Variants in JPH3 observed in about 807,000 individuals in gnomAD.
The protein encoded by JPH3 is junctophilin-3.
Under a neutral mutation model 59.6 loss-of-function variants are expected in JPH3, and 11 were observed. That is an observed-to-expected ratio of 0.18 (90% CI 0.12 to 0.31). JPH3 has a LOEUF of 0.31. Among genes scored for constraint, JPH3 ranks in the 10% least tolerant of loss-of-function variants. JPH3 has a pLI of 1.00. For missense variants in JPH3, 1,202 were observed against 1,105.7 expected, an observed-to-expected ratio of 1.09 and a Z score of -1.24; for synonymous variants, 673 against 483.6, an observed-to-expected ratio of 1.39 and a Z score of -5.14.
At chr16:87,645,290 AGT>A (rs2150846386) in intron 2 of JPH3, among the ~76,000 whole-genome samples, 1 of 152,330 alleles carries the variant, frequency 6.6e-6, no homozygotes, top group East Asian at 1.9e-4. Context: ...TAAACTGAGC[AGT>A]GTCTCTTTGT....
chr16:87,613,335 G>A (rs1020002731), intron 1 of JPH3, among the ~76,000 whole-genome samples: 10 of 151,210 alleles, frequency 6.6e-5, no homozygotes, highest in Non-Finnish European at 8.9e-5. Flanking sequence ...TCCTGACCTC[G>A]TGAACCGCCC....
In JPH3 at chr16:87,629,670, T is replaced by A. The variant is rs78365204; in HGVS notation, c.383-14588T>A. 3.2e-3 allele frequency among the ~76,000 whole-genome samples: 459 copies of A among 142,428 alleles called. 4 individuals are homozygous for A. The highest frequency in any genetic ancestry group is 0.011 in the African/African-American group (440 of 39,718). The allele number at this position is 142,428 out of a possible 152,430, so 93.4% of individuals were successfully genotyped here. The stretch of plus-strand genomic sequence containing the variant: ...CTGGAGACAGTGACAAGATCATTGG[T>A]TGCCCAGGGTTGGGGGGGAGGGAGG... On this transcript the variant is annotated intron_variant, in intron 1 of 4. Transcript: ENST00000284262.
rs542290699 is a variant in JPH3, at chr16:87,674,336, A to AC, written c.1161-9806_1161-9805insC. ...CGACAGAGCGAGACTCCGTCTCAAAAAAAAACAAAAACAAAAAAAAGCAGG... is the reference window on the plus strand; with the variant it reads ...CGACAGAGCGAGACTCCGTCTCAAAACAAAAACAAAAACAAAAAAAAGCAGG... On this transcript the variant is annotated intron_variant, in intron 2 of 4. Transcript: ENST00000284262. 1.0e-3 allele frequency among the ~76,000 whole-genome samples: 157 copies of AC among 152,186 alleles called. 1 individual carries two copies. The highest frequency in any genetic ancestry group is 2.3e-3 in the South Asian group (11 of 4,816).
chr16:87,607,480 G>C (rs2030566629), intron 1 of JPH3, among the ~76,000 whole-genome samples: 1 of 152,190 alleles, frequency 6.6e-6, no homozygotes, highest in African/African-American at 2.4e-5. Context: ...CTGCCACCCG[G>C]AGACATTTTC....
At position 87,603,279 on chromosome 16, in the gene JPH3, C is replaced by T. The variant is rs776309384; in HGVS notation, c.133C>T (p.His45Tyr). ...AGGCGAATACACCGGCTCGTGGAGC[C>T]ACGGCTTCGAGGTGCTGGGCGTCTA... ...GQGEYTGSWSHGFEVLGVYTW... is the reference protein window; with the variant it reads ...GQGEYTGSWSYGFEVLGVYTW... The change falls in exon 1 of 5, where the codon CAC becomes TAC. Residue 45 changes from histidine (H) to tyrosine (Y), a missense_variant. Physicochemically the swap from His to Tyr is moderately conservative, Grantham distance 83. Coordinates refer to ENST00000284262, the MANE Select transcript of JPH3 (RefSeq NM_020655.4). 3 of 1,613,542 alleles carry T rather than the reference C, an allele frequency of 1.9e-6. No individual in the cohort carries two copies. The South Asian group carries it at 3.3e-5, about 18-fold the overall frequency.
rs1355816622 is a variant in JPH3 at position 87,644,869 on chromosome 16, A to G, written c.994A>G (p.Thr332Ala). Reference protein sequence around the residue: ...GYGCMTFPDGTKEEGKYKQNI... With the variant: ...GYGCMTFPDGAKEEGKYKQNI... ...CGGCTGCATGACCTTCCCGGACGGCACCAAGGAGGAGGGCAAGTACAAGCA... is the reference window on the plus strand; with the variant it reads ...CGGCTGCATGACCTTCCCGGACGGCGCCAAGGAGGAGGGCAAGTACAAGCA... Residue 332 changes from threonine (T) to alanine (A), a missense_variant, in exon 2 of 5, where the codon ACC becomes GCC. Transcript: ENST00000284262. 4 of 1,613,466 alleles carry G rather than the reference A, an allele frequency of 2.5e-6. No individual in the cohort carries two copies. The highest frequency in any genetic ancestry group is 3.4e-6 in the Non-Finnish European group (4 of 1,179,916).
At chr16:87,609,917 T>C (rs1380123660) in intron 1 of JPH3, among the ~76,000 whole-genome samples, 1 of 152,210 alleles carries the variant, frequency 6.6e-6, no homozygotes, top group African/African-American at 2.4e-5. Context: ...ATTATTACAT[T>C]GTAATATATA....
At chr16:87,616,356 C>T (rs1444407874) in intron 1 of JPH3, among the ~76,000 whole-genome samples, 1 of 151,294 alleles carries the variant, frequency 6.6e-6, no homozygotes, top group Non-Finnish European at 1.5e-5. Flanking sequence ...GCCTCAGCCT[C>T]CCGAGTAGCT....
At chr16:87,619,230 T>C (rs754374290) in intron 1 of JPH3, among the ~76,000 whole-genome samples, 2 of 151,928 alleles carry the variant, frequency 1.3e-5, no homozygotes, top group East Asian at 3.9e-4. Flanking sequence ...GGAGTATCAC[T>C]TGAGCTCAGG....
At chr16:87,614,832 T>C (rs2562064) in intron 1 of JPH3, among the ~76,000 whole-genome samples, 22,091 of 106,218 alleles carry the variant, frequency 0.21, 5,345 homozygotes, top group Non-Finnish European at 0.3. Context: ...CGTGAGGAGC[T>C]GTGCGTCCCT....
At chr16:87,656,150 G>A (rs187628580) in intron 2 of JPH3, among the ~76,000 whole-genome samples, 1 of 152,342 alleles carries the variant, frequency 6.6e-6, no homozygotes, top group Non-Finnish European at 1.5e-5. Flanking sequence ...AGCCCTGAGG[G>A]CGTCTCTGCC....
intron 2 of JPH3, among the ~76,000 whole-genome samples, chr16:87,669,246 G>A (rs1398307087): frequency 6.6e-6 from 1 of 152,204 alleles, no homozygotes; most frequent in African/African-American, 2.4e-5. Flanking sequence ...CATGTTAGTG[G>A]GATTTGGGGT....
chr16:87,669,071 G>A (rs1000617227), intron 2 of JPH3, among the ~76,000 whole-genome samples: 2 of 152,226 alleles, frequency 1.3e-5, no homozygotes, highest in Admixed American at 6.5e-5. Flanking sequence ...TGCATCTCCC[G>A]GTGGCACAGG....
intron 1 of JPH3, among the ~76,000 whole-genome samples, chr16:87,605,178 C>G (rs2030472194): frequency 6.6e-6 from 1 of 152,216 alleles, no homozygotes; most frequent in African/African-American, 2.4e-5. Context: ...TCCAGGAGGA[C>G]TGTGCAGGCC....
chr16:87,661,552 T>G lies in JPH3; in HGVS notation c.1160+16517T>G, dbSNP rs141022141. On this transcript the variant is annotated intron_variant, in intron 2 of 4. Transcript: ENST00000284262. Reference sequence around the variant, plus strand: ...CGACATTGTAGGTCACCACCATGTGTGACTGTCCAGGGAGGCTGGGGGATG... The same window carrying G: ...CGACATTGTAGGTCACCACCATGTGGGACTGTCCAGGGAGGCTGGGGGATG... 2.5e-3 allele frequency among the ~76,000 whole-genome samples: 378 copies of G among 152,250 alleles called. 5 individuals are homozygous for G. The highest frequency in any genetic ancestry group is 0.011 in the East Asian group (58 of 5,180).
At chr16:87,659,028 G>T (rs1355637277) in intron 2 of JPH3, among the ~76,000 whole-genome samples, 2 of 152,200 alleles carry the variant, frequency 1.3e-5, no homozygotes, top group African/African-American at 4.8e-5. Context: ...GACAGCTGCG[G>T]CGGCCACAGC....
At chr16:87,604,926 C>T (rs1048555425) in intron 1 of JPH3, 3 of 448,464 alleles carry the variant, frequency 6.7e-6, no homozygotes, top group Non-Finnish European at 1.4e-5. Context: ...GACCCTGGGG[C>T]GCTGAGGGCC....
chr16:87,644,078 T>A (rs2032047527), intron 1 of JPH3, among the ~76,000 whole-genome samples, 180 bp from the exon 2 acceptor site: 1 of 152,184 alleles, frequency 6.6e-6, no homozygotes, highest in African/African-American at 2.4e-5. Flanking sequence ...TTCCTGGCTG[T>A]CGTGAGCTGT....
At chr16:87,665,502 C>T (rs949252626) in intron 2 of JPH3, among the ~76,000 whole-genome samples, 3 of 152,228 alleles carry the variant, frequency 2.0e-5, no homozygotes, top group African/African-American at 7.2e-5. Context: ...GAGGGAACAA[C>T]CTCCTCTGAG....
Sources: gnomAD v4.1 joint callset for allele counts (sites outside exome capture counted in the v4.1 genomes callset) on GRCh38, gnomAD v4.1.1 for gene constraint, MANE v1.5 for transcripts, NCBI Gene and HGNC (gene_info 2026-07-23, HGNC 2026-07-21) for gene names.